Variants in DPP10 observed in about 807,000 individuals in gnomAD.
DPP10 encodes the protein inactive dipeptidyl peptidase 10.
A neutral mutation model predicts 120.9 loss-of-function variants in DPP10; 33 were observed. The observed-to-expected ratio is 0.27, with a 90% CI of 0.21 to 0.37. DPP10 has a LOEUF of 0.37. Among genes scored for constraint, DPP10 ranks in the 10% least tolerant of loss-of-function variants. DPP10 has a pLI of 1.00. For synonymous variants in DPP10, 337 were observed against 326.1 expected (o/e 1.03, Z -0.36); for missense variants, 816 against 942.8 (o/e 0.87, Z 1.76).
intron 3 of DPP10, among the ~76,000 whole-genome samples, chr2:115,443,880 G>A (rs889365715): frequency 2.6e-5 from 4 of 152,252 alleles, no homozygotes; most frequent in East Asian, 1.9e-4. Context: ...AGTCTGTTTC[G>A]TGCATTGCAG....
intron 1 of DPP10, among the ~76,000 whole-genome samples, chr2:114,648,760 A>T (rs1162827419): frequency 1.3e-5 from 2 of 152,190 alleles, no homozygotes; most frequent in Admixed American, 1.3e-4. Context: ...CTCCAGAGTC[A>T]GGTGCACCCA....
chr2:115,019,108 C>T (rs1016363798), intron 1 of DPP10, among the ~76,000 whole-genome samples: 1 of 151,702 alleles, frequency 6.6e-6, no homozygotes. Context: ...TTCACCGACA[C>T]CAAGCCCAGC....
intron 10 of DPP10, among the ~76,000 whole-genome samples, chr2:115,749,160 C>A (rs1216299614): frequency 1.3e-5 from 2 of 152,158 alleles, no homozygotes; most frequent in Admixed American, 6.5e-5. Context: ...GTATTGCAAT[C>A]ACACAATACC....
chr2:115,064,113 T>C (rs17452602), intron 1 of DPP10, among the ~76,000 whole-genome samples: 15,504 of 152,228 alleles, frequency 0.1, 1,118 homozygotes, highest in Non-Finnish European at 0.14. Context: ...AGATATGGGA[T>C]TGTTGTTCAT....
intron 1 of DPP10, among the ~76,000 whole-genome samples, chr2:115,273,938 C>G (rs919101662): frequency 6.6e-6 from 1 of 152,166 alleles, no homozygotes; most frequent in African/African-American, 2.4e-5. Context: ...TTAGCCCACT[C>G]GTAGCCGTCT....
intron 5 of DPP10, among the ~76,000 whole-genome samples, chr2:115,536,893 T>C (rs1300659114): frequency 6.6e-6 from 1 of 152,072 alleles, no homozygotes; most frequent in Non-Finnish European, 1.5e-5. Flanking sequence ...TTCATTACTC[T>C]GGTAAAATTA....
intron 1 of DPP10, among the ~76,000 whole-genome samples, chr2:115,190,466 A>C (rs2054797285): frequency 6.6e-6 from 1 of 152,094 alleles, no homozygotes; most frequent in Non-Finnish European, 1.5e-5. Flanking sequence ...ATACCACCAC[A>C]CATCTGCTAG....
chr2:115,532,497 A>G (rs914719202), intron 5 of DPP10, among the ~76,000 whole-genome samples: 2 of 152,134 alleles, frequency 1.3e-5, no homozygotes, highest in African/African-American at 4.8e-5. Flanking sequence ...CAAGTGAAAC[A>G]TACTACAATA....
chr2:114,593,714 C>G (rs1448284651), intron 1 of DPP10, among the ~76,000 whole-genome samples: 1 of 152,038 alleles, frequency 6.6e-6, no homozygotes, highest in Non-Finnish European at 1.5e-5. Flanking sequence ...GCAAACGGGT[C>G]TAGCTTTCCA....
At chr2:114,773,796 A>G (rs1033051279) in intron 1 of DPP10, among the ~76,000 whole-genome samples, 11 of 152,176 alleles carry the variant, frequency 7.2e-5, no homozygotes, top group Non-Finnish European at 1.3e-4. Context: ...TAAAATCCAT[A>G]TACAATTAAT....
chr2:115,798,088 T>A (rs1039882641), intron 19 of DPP10, among the ~76,000 whole-genome samples: 1 of 151,956 alleles, frequency 6.6e-6, no homozygotes, highest in East Asian at 1.9e-4. Flanking sequence ...TTCATATGAA[T>A]GATATGGGCT....
intron 1 of DPP10, among the ~76,000 whole-genome samples, chr2:114,794,267 G>A (rs1417778789): frequency 6.6e-6 from 1 of 152,148 alleles, no homozygotes; most frequent in African/African-American, 2.4e-5. Context: ...TCTTCGATAA[G>A]CCATGATGCT....
intron 1 of DPP10, among the ~76,000 whole-genome samples, chr2:114,766,727 A>G (rs1257684440): frequency 6.6e-6 from 1 of 152,216 alleles, no homozygotes; most frequent in East Asian, 1.9e-4. Flanking sequence ...TTGAAATAAC[A>G]ATAATATAAA....
At chr2:115,738,641 T>C (rs557884380) in intron 8 of DPP10, among the ~76,000 whole-genome samples, 4 of 152,322 alleles carry the variant, frequency 2.6e-5, no homozygotes, top group African/African-American at 9.6e-5. Context: ...CCACTGATGA[T>C]TGATTACTCA....
At chr2:115,324,716 G>C (rs963979012) in intron 2 of DPP10, among the ~76,000 whole-genome samples, 1 of 152,104 alleles carries the variant, frequency 6.6e-6, no homozygotes, top group African/African-American at 2.4e-5. Context: ...TTTCCCATAA[G>C]AACTTTTTGT....
At chr2:114,566,162 T>A (rs1282654176) in intron 1 of DPP10, among the ~76,000 whole-genome samples, 1 of 152,130 alleles carries the variant, frequency 6.6e-6, no homozygotes, top group Non-Finnish European at 1.5e-5. Flanking sequence ...ATCTCTTGTC[T>A]TTAGATAGCC....
chr2:114,454,981 G>A (rs553420594), intron 1 of DPP10, among the ~76,000 whole-genome samples: 25 of 152,302 alleles, frequency 1.6e-4, no homozygotes, highest in African/African-American at 4.6e-4. Flanking sequence ...AAATGAGTGA[G>A]TGAAGGCCAT....
rs1681049226 is a variant in DPP10, at chr2:115,768,343, C to T, written c.1160C>T (p.Thr387Ile). ...FSRDGSKFFMTVPVKQGGRGE... is the reference protein window; with the variant it reads ...FSRDGSKFFMIVPVKQGGRGE... ...AGAGACGGCAGCAAATTCTTTATGACAGTGCCTGTTAAGCAAGGGGGACGT... is the reference window on the plus strand; with the variant it reads ...AGAGACGGCAGCAAATTCTTTATGATAGTGCCTGTTAAGCAAGGGGGACGT... Residue 387 changes from threonine (T) to isoleucine (I), a missense_variant, in exon 13 of 26, where the codon ACA becomes ATA. By Grantham distance (89) the Thr-to-Ile change is moderately conservative. Coordinates refer to ENST00000410059, the MANE Select transcript of DPP10 (RefSeq NM_020868.6). The T allele has an allele frequency of 6.2e-7, 1 of 1,613,670 alleles. No individual in the cohort carries two copies. The highest frequency in any genetic ancestry group is 8.5e-7 in the Non-Finnish European group (1 of 1,179,700).
At chr2:115,043,869 G>A (rs912478605) in intron 1 of DPP10, among the ~76,000 whole-genome samples, 1 of 152,002 alleles carries the variant, frequency 6.6e-6, no homozygotes, top group African/African-American at 2.4e-5. Context: ...GAAGAGCAGA[G>A]GCAGTAATTT....
Sources: allele counts gnomAD v4.1 joint callset (sites outside exome capture counted in the v4.1 genomes callset), GRCh38; gene constraint gnomAD v4.1.1; transcripts MANE v1.5; gene names NCBI Gene and HGNC (gene_info 2026-07-23, HGNC 2026-07-21).